NPIPB2: variants seen among roughly 807,000 people sequenced by gnomAD.
The protein encoded by NPIPB2 is nuclear pore complex-interacting protein family member B2.
In NPIPB2, 27 loss-of-function variants were observed where a neutral mutation model predicts 30.8. The observed-to-expected ratio is 0.88, with a 90% CI of 0.65 to 1.21. NPIPB2 has a LOEUF of 1.21. Among genes scored for constraint, NPIPB2 ranks in the 50% most tolerant of loss-of-function variants. The pLI, the probability that NPIPB2 is intolerant of heterozygous loss-of-function variation, is 0.00. For synonymous variants in NPIPB2, 147 were observed against 162.0 expected (o/e 0.91, Z 0.70); for missense variants, 440 against 446.2 (o/e 0.99, Z 0.13).
intron 1 of NPIPB2, among the ~76,000 whole-genome samples, chr16:11,964,298 T>A (rs1186715478): frequency 6.6e-6 from 1 of 152,098 alleles, no homozygotes; most frequent in Non-Finnish European, 1.5e-5. Context: ...ATTATTATAA[T>A]ACCCCAAACC....
At chr16:11,942,472 C>G (rs946986152), upstream of NPIPB2, among the ~76,000 whole-genome samples, 17 of 150,228 alleles carry the variant, frequency 1.1e-4, no homozygotes, top group Non-Finnish European at 2.4e-4. Context: ...TCAAATCACC[C>G]CTAACCCACC....
intron 1 of NPIPB2, among the ~76,000 whole-genome samples, chr16:11,953,012 A>G (rs1171519284): frequency 4.6e-5 from 7 of 152,198 alleles, no homozygotes; most frequent in Admixed American, 4.6e-4. Flanking sequence ...CTCAAGGTCA[A>G]GAGCACTAGA....
At chr16:11,934,749 C>A (rs1218176086) in intron 2 of NPIPB2, among the ~76,000 whole-genome samples, 3 of 141,980 alleles carry the variant, frequency 2.1e-5, no homozygotes, top group African/African-American at 5.2e-5. Context: ...GCCCCAGCTA[C>A]TTGGGAGGCT....
chr16:11,961,779 A>T (rs754629467), intron 1 of NPIPB2, among the ~76,000 whole-genome samples: 13 of 132,430 alleles, frequency 9.8e-5, no homozygotes, highest in South Asian at 2.4e-4. Context: ...GACCCTGTTT[A>T]AAAAAAAAAA....
chr16:11,951,001 T>C (rs1161775081), intron 1 of NPIPB2, among the ~76,000 whole-genome samples: 1 of 152,120 alleles, frequency 6.6e-6, no homozygotes, highest in African/African-American at 2.4e-5. Context: ...ATATGTTTTA[T>C]TGTTCTTTAA....
upstream of NPIPB2, among the ~76,000 whole-genome samples, chr16:11,944,196 G>A (rs1479213994): frequency 2.7e-5 from 4 of 148,176 alleles, no homozygotes; most frequent in East Asian, 6.2e-4. Context: ...TGGAGATGGA[G>A]TCTTGCTCTG....
intron 1 of NPIPB2, among the ~76,000 whole-genome samples, chr16:11,949,592 G>A (rs2150926051): frequency 6.6e-6 from 1 of 152,332 alleles, no homozygotes; most frequent in African/African-American, 2.4e-5. Context: ...CAGCAGCCCT[G>A]AGAATGCAGC....
Position 11,948,812 on chromosome 16 carries a change from G to A in NPIPB2, c.-583-6698C>T, listed in dbSNP as rs1424824103. 2.1e-5 allele frequency among the ~76,000 whole-genome samples: 3 copies of A among 145,798 alleles called. No homozygotes were observed. The Admixed American group carries it at 2.1e-4, about 10-fold the overall frequency. ...AAAAAAAGAAAGAAAAGAAATATTA[G>A]CTACTTCAGAGGTTTGCTGTGAGCA... On this transcript the variant is annotated intron_variant, in intron 1 of 5. Coordinates refer to the NPIPB2 transcript ENST00000538896.
intron 1 of NPIPB2, among the ~76,000 whole-genome samples, chr16:11,939,570 A>G (rs2054911683): frequency 1.5e-4 from 20 of 133,334 alleles, no homozygotes; most frequent in Non-Finnish European, 1.6e-4. Context: ...AAAAAAAAAA[A>G]AAAAAAAAAA....
intron 1 of NPIPB2, among the ~76,000 whole-genome samples, chr16:11,951,797 G>C (rs1226188574): frequency 2.6e-5 from 4 of 151,974 alleles, no homozygotes; most frequent in African/African-American, 9.7e-5. Flanking sequence ...GGAGGCCGAG[G>C]CGGGCGGATG....
intron 1 of NPIPB2, among the ~76,000 whole-genome samples, chr16:11,973,410 GGAAAAC>G (rs1182646971): frequency 1.3e-5 from 2 of 152,020 alleles, no homozygotes; most frequent in South Asian, 4.1e-4. Context: ...GGGGCCAAGG[GGAAAAC>G]TTCCTCTTAG....
intron 1 of NPIPB2, among the ~76,000 whole-genome samples, chr16:11,969,943 C>T (rs1433796584): frequency 2.0e-3 from 2 of 1,004 alleles, no homozygotes; most frequent in Admixed American, 0.038. Flanking sequence ...ACTGCAACCT[C>T]TACCTCAAGA....
At chr16:11,935,610 G>A (rs1225045049) in intron 2 of NPIPB2, among the ~76,000 whole-genome samples, 1 of 152,038 alleles carries the variant, frequency 6.6e-6, no homozygotes, top group African/African-American at 2.4e-5. Context: ...CACCACATCT[G>A]GCCTGAAATA....
chr16:11,971,791 C>T (rs1182379557), intron 1 of NPIPB2, among the ~76,000 whole-genome samples: 1 of 152,072 alleles, frequency 6.6e-6, no homozygotes. Context: ...TACCGTGCTC[C>T]TGGCCTAGAT....
At chr16:11,937,470 G>A (rs2054883246) in intron 2 of NPIPB2, 70 bp downstream of exon 2, 4 of 859,842 alleles carry the variant, frequency 4.7e-6, no homozygotes, top group Non-Finnish European at 7.1e-6. Context: ...CCAGAAATGT[G>A]AATTGTTTTA....
At chr16:11,958,829 C>G (rs1281572275) in intron 1 of NPIPB2, among the ~76,000 whole-genome samples, 1 of 152,166 alleles carries the variant, frequency 6.6e-6, no homozygotes, top group Non-Finnish European at 1.5e-5. Context: ...GGGAGCTGAG[C>G]TACCATGGGT....
Position 11,965,817 on chromosome 16 carries a change from G to GT in NPIPB2, c.-584+10750dup, listed in dbSNP as rs2055188663. Among the ~76,000 whole-genome samples the GT allele has an allele frequency of 2.6e-5, 4 of 152,214 alleles. No homozygotes were observed. The South Asian group carries it at 8.3e-4, about 32-fold the overall frequency. On this transcript the variant is annotated intron_variant, in intron 1 of 5. Coordinates refer to the NPIPB2 transcript ENST00000538896. ...TTCATTATTTTAGCAAAATAATCAA[G>GT]TATGACAGCCGGGTGCGGTGGATGG... is the stretch of plus-strand genomic sequence containing the variant.
At chr16:11,943,138 G>A (rs1415221482), upstream of NPIPB2, among the ~76,000 whole-genome samples, 1 of 151,914 alleles carries the variant, frequency 6.6e-6, no homozygotes, top group Non-Finnish European at 1.5e-5. Context: ...TGGCCAATAT[G>A]GTGAAACCCT....
intron 1 of NPIPB2, among the ~76,000 whole-genome samples, chr16:11,970,599 G>A (rs1288177468): frequency 3.3e-5 from 5 of 151,596 alleles, no homozygotes; most frequent in African/African-American, 1.2e-4. Context: ...GCAGTGGTAC[G>A]ATCTTGGCTC....
Sources: gnomAD v4.1 joint callset for allele counts (sites outside exome capture counted in the v4.1 genomes callset) on GRCh38, gnomAD v4.1.1 for gene constraint, MANE v1.5 for transcripts, NCBI Gene and HGNC (gene_info 2026-07-23, HGNC 2026-07-21) for gene names.